ABL2: variants seen among roughly 807,000 people sequenced by gnomAD.
ABL2 encodes tyrosine-protein kinase ABL2.
In ABL2, 49 loss-of-function variants were observed where a neutral mutation model predicts 107.7. The ratio of observed to expected loss-of-function variants is 0.45; its 90% CI spans 0.36 to 0.58. ABL2 has a LOEUF of 0.58. Ranked by LOEUF, ABL2 falls within the 20% of genes least tolerant of loss-of-function variation. The pLI is 0.00. For synonymous variants in ABL2, 549 were observed against 548.6 expected, an observed-to-expected ratio of 1.00 and a Z score of -0.01; for missense variants, 1,245 against 1,457.0, an observed-to-expected ratio of 0.85 and a Z score of 2.37.
Position 179,101,992 on chromosome 1 carries a change from A to ATTTTT in ABL2, c.*5725_*5726insAAAAA, listed in dbSNP as rs1557895974. ...AAAAAAAAGCAAGCTTTGCATTAGA[A>ATTTTT]TTTCTTTTTTTTTTTTTTTTTTTTT... On this transcript the variant is annotated 3_prime_UTR_variant, in exon 12 of 12. Transcript: ENST00000502732. 2.0e-5 allele frequency: 2 copies of ATTTTT among 100,296 alleles called. No individual in the cohort carries two copies. Among genetic ancestry groups the ATTTTT allele is most frequent in the African/African-American group, 4.0e-5 (1 of 24,712 alleles). The allele number at this position is 100,296 out of a possible 1,614,324, so 6.2% of individuals were successfully genotyped here. A position where few individuals can be genotyped will look rare whatever the true frequency, so the allele number is the denominator to read the frequency against.
chr1:179,119,992 G>A (rs28914542), intron 6 of ABL2, among the ~76,000 whole-genome samples, 198 bp downstream of exon 6: 1,869 of 152,172 alleles, frequency 0.012, 15 homozygotes, highest in Non-Finnish European at 0.018. Flanking sequence ...GAAAAAAGGC[G>A]GGGCATGGTG....
intron 1 of ABL2, among the ~76,000 whole-genome samples, chr1:179,147,270 T>C (rs1658064274): frequency 6.8e-6 from 1 of 146,942 alleles, no homozygotes; most frequent in South Asian, 2.1e-4. Flanking sequence ...GGTGGAAATG[T>C]AAGTTAGCAC....
intron 11 of ABL2, among the ~76,000 whole-genome samples, chr1:179,109,968 C>T (rs1653884268): frequency 6.6e-6 from 1 of 152,014 alleles, no homozygotes; most frequent in Admixed American, 6.6e-5. Context: ...AGGAGATAAC[C>T]TGCTGGTTAT....
At position 179,136,709 on chromosome 1, in the gene ABL2, A is replaced by AAAATAAATAAATAAAT. The variant is rs201779575; in HGVS notation, c.158-3351_158-3336dup. Among the ~76,000 whole-genome samples the AAAATAAATAAATAAAT allele has an allele frequency of 5.1e-3, 716 of 140,674 alleles. 7 individuals are homozygous for AAAATAAATAAATAAAT. The highest frequency in any genetic ancestry group is 0.029 in the East Asian group (137 of 4,742). The allele number at this position is 140,674 out of a possible 152,430, so 92.3% of individuals were successfully genotyped here. ...AGAAACACCCAAGAATGATCAATAA[A>AAAATAAATAAATAAAT]AAATAAATAAATAAATAAATAAATA... On this transcript the variant is annotated intron_variant, in intron 1 of 11. Coordinates refer to ENST00000502732, the MANE Select transcript of ABL2 (RefSeq NM_007314.4).
In ABL2 at chr1:179,108,914, A is replaced by G; in HGVS notation, c.2353T>C (p.Ser785Pro). The change falls in exon 12 of 12, where the codon TCT becomes CCT. Residue 785 changes from serine to proline, a missense_variant. By Grantham distance (74) the Ser-to-Pro change is moderately conservative. Coordinates refer to ENST00000502732, the MANE Select transcript of ABL2 (RefSeq NM_007314.4). The part of the protein sequence containing the change: ...SKPFPRSNST[S>P]SMSSGLPEQD... ...TCTGGAAGCCCTGAGGACATGGAAGATGTAGAGTTTGACCTTGGAAAAGGC... is the reference window on the plus strand; with the variant it reads ...TCTGGAAGCCCTGAGGACATGGAAGGTGTAGAGTTTGACCTTGGAAAAGGC... 2 of 1,614,136 alleles carry G rather than the reference A, an allele frequency of 1.2e-6. No homozygotes were observed. The highest frequency in any genetic ancestry group is 1.1e-5 in the South Asian group (1 of 91,076).
rs555055944 is a variant in ABL2, at chr1:179,120,576, G to A, written c.961-302C>T. On this transcript the variant is annotated intron_variant, in intron 5 of 11. Coordinates refer to ENST00000502732, the MANE Select transcript of ABL2 (RefSeq NM_007314.4). ...AGTAGCTGGGATTACAGGCATGCAC[G>A]ACCATGCCTGGCTACTTTTTGTATT... Among the ~76,000 whole-genome samples, 6 of 152,040 alleles carry A rather than the reference G, an allele frequency of 3.9e-5. No homozygotes were observed. The East Asian group carries it at 9.7e-4, about 25-fold the overall frequency.
At position 179,110,441 on chromosome 1, in the gene ABL2, G is replaced by C. The variant is rs778453700; in HGVS notation, c.1666C>G (p.Leu556Val). The C allele has an allele frequency of 6.2e-7, 1 of 1,612,956 alleles. No homozygotes were observed. Among genetic ancestry groups the C allele is most frequent in the Non-Finnish European group, 8.5e-7 (1 of 1,179,740 alleles). ...GATGACGAGGAGGCGGCTCTCCCAA[G>C]CTCCTCAGCTACCTCTGTGAGGAAG... is the stretch of plus-strand genomic sequence containing the variant. The part of the protein sequence containing the change: ...SSISEEVAEE[L>V]GRAASSSSVV... Residue 556 changes from leucine to valine, a missense_variant, in exon 11 of 12, where the codon CTT becomes GTT. Leu to Val is a conservative substitution (Grantham distance 32). This residue lies in a region of ABL2 where 761 missense variants were observed against 766.4 expected (regional missense o/e 0.99). Coordinates refer to ENST00000502732, the MANE Select transcript of ABL2 (RefSeq NM_007314.4).
intron 1 of ABL2, among the ~76,000 whole-genome samples, chr1:179,175,581 C>T (rs1189770515): frequency 2.6e-5 from 4 of 152,194 alleles, no homozygotes; most frequent in African/African-American, 9.7e-5. Flanking sequence ...GAGCTACTTT[C>T]GGGGTAGGAT....
chr1:179,197,372 T>C (rs1661378075), intron 1 of ABL2, among the ~76,000 whole-genome samples: 2 of 151,846 alleles, frequency 1.3e-5, no homozygotes, highest in Admixed American at 6.6e-5. Flanking sequence ...AAAAAATATA[T>C]ATTGAAAAAG....
chr1:179,169,980 T>C (rs1200548330), intron 1 of ABL2, among the ~76,000 whole-genome samples: 1 of 152,076 alleles, frequency 6.6e-6, no homozygotes, highest in Non-Finnish European at 1.5e-5. Context: ...TGAGCTATCA[T>C]CACCACACTG....
chr1:179,229,647 C>CCGCCGCCCT lies in ABL2; in HGVS notation c.-251_-250insAGGGCGGCG, dbSNP rs1257544465. On this transcript the variant is annotated 5_prime_UTR_variant, in exon 1 of 12. Coordinates refer to ENST00000502732, the MANE Select transcript of ABL2 (RefSeq NM_007314.4). ...CGCGCCCCCAACGCCGCCGCCGCCG[C>CCGCCGCCCT]CGCCGCCACCGCCGCCGCCATCTTT... 1 of 490,974 alleles carries CCGCCGCCCT rather than the reference C, an allele frequency of 2.0e-6. No homozygotes were observed. Among genetic ancestry groups the CCGCCGCCCT allele is most frequent in the East Asian group, 4.1e-5 (1 of 24,122 alleles). The allele number at this position is 490,974 out of a possible 1,614,324, so 30.4% of individuals were successfully genotyped here. A position where few individuals can be genotyped will look rare whatever the true frequency, so the allele number is the denominator to read the frequency against.
At chr1:179,209,392 C>T (rs1662148656) in intron 1 of ABL2, among the ~76,000 whole-genome samples, 1 of 152,204 alleles carries the variant, frequency 6.6e-6, no homozygotes, top group African/African-American at 2.4e-5. Context: ...CATAAAATTA[C>T]ATAAGTTTCC....
At chr1:179,133,505 C>T (rs1454431968) in intron 1 of ABL2, 131 bp from the exon 2 acceptor site, 9 of 1,423,910 alleles carry the variant, frequency 6.3e-6, no homozygotes, top group East Asian at 4.6e-5. Context: ...TCTCCAGCTT[C>T]GCCTCTCCCT....
intron 1 of ABL2, among the ~76,000 whole-genome samples, chr1:179,219,136 G>A (rs1409259989): frequency 6.6e-6 from 1 of 152,284 alleles, no homozygotes; most frequent in African/African-American, 2.4e-5. Context: ...TCAACCTCCT[G>A]GCCTCAAGTG....
At position 179,100,015 on chromosome 1, in the gene ABL2, T is replaced by A; in HGVS notation, c.*7703A>T. ...CCTTTCTTAATGGGCACGACAGCAATGCACGTGTATTTATGGACACAAACA... is the reference window on the plus strand; with the variant it reads ...CCTTTCTTAATGGGCACGACAGCAAAGCACGTGTATTTATGGACACAAACA... On this transcript the variant is annotated 3_prime_UTR_variant, in exon 12 of 12. Transcript: ENST00000502732. The A allele has an allele frequency of 4.3e-6, 1 of 232,578 alleles. No homozygotes were observed. Among genetic ancestry groups the A allele is most frequent in the East Asian group, 6.1e-5 (1 of 16,484 alleles). The allele number at this position is 232,578 out of a possible 1,614,324, so 14.4% of individuals were successfully genotyped here. A position where few individuals can be genotyped will look rare whatever the true frequency, so the allele number is the denominator to read the frequency against.
At chr1:179,169,190 A>C (rs1443502424) in intron 1 of ABL2, among the ~76,000 whole-genome samples, 1 of 152,116 alleles carries the variant, frequency 6.6e-6, no homozygotes, top group Non-Finnish European at 1.5e-5. Flanking sequence ...CCTTTTGCCC[A>C]AAAATGGGGT....
intron 1 of ABL2, among the ~76,000 whole-genome samples, chr1:179,198,398 A>T (rs941311536): frequency 6.6e-5 from 10 of 152,088 alleles, no homozygotes; most frequent in African/African-American, 2.2e-4. Flanking sequence ...AGTTATTTTT[A>T]AAAAACCCAC....
chr1:179,110,150 T>C (rs1653901618), intron 11 of ABL2, 132 bp downstream of exon 11: 4 of 1,088,344 alleles, frequency 3.7e-6, no homozygotes, highest in South Asian at 2.7e-5. Context: ...AAGGGCTTCA[T>C]GGGTGGGTAA....
At position 179,100,102 on chromosome 1, in the gene ABL2, A is replaced by T. The variant is rs765016407; in HGVS notation, c.*7616T>A. The T allele has an allele frequency of 2.2e-5, 5 of 231,922 alleles. No homozygotes were observed. The highest frequency in any genetic ancestry group is 3.4e-5 in the Non-Finnish European group (4 of 117,342). 14.4% of individuals were successfully genotyped at this position (231,922 alleles called of 1,614,324 possible). A position where few individuals can be genotyped will look rare whatever the true frequency, so the allele number is the denominator to read the frequency against. Reference sequence around the variant, plus strand: ...CAAACATATGCCCTAAAGAACCATAAACAAGTATCTCATTGTTCCTTTCTA... The same window carrying T: ...CAAACATATGCCCTAAAGAACCATATACAAGTATCTCATTGTTCCTTTCTA... On this transcript the variant is annotated 3_prime_UTR_variant, in exon 12 of 12. Transcript: ENST00000502732.
Sources: gnomAD v4.1 joint callset for allele counts (sites outside exome capture counted in the v4.1 genomes callset) on GRCh38, gnomAD v4.1.1 for gene constraint, gnomAD v4.1.1 regional missense constraint, MANE v1.5 for transcripts, NCBI Gene and HGNC (gene_info 2026-07-23, HGNC 2026-07-21) for gene names.